FBXO31: variants seen among roughly 807,000 people sequenced by gnomAD.
The protein encoded by FBXO31 is F-box only protein 31.
Under a neutral mutation model 54.4 loss-of-function variants are expected in FBXO31, and 24 were observed. The ratio of observed to expected loss-of-function variants is 0.44; its 90% confidence interval spans 0.32 to 0.62. FBXO31 has a LOEUF of 0.62. Ranked by LOEUF, FBXO31 falls within the 20% of genes least tolerant of loss-of-function variation. FBXO31 has a pLI of 0.05. For missense variants in FBXO31, 665 were observed against 787.1 expected (o/e 0.84, Z 1.86); for synonymous variants, 388 against 335.6 (o/e 1.16, Z -1.71).
intron 1 of FBXO31, among the ~76,000 whole-genome samples, chr16:87,373,498 T>A (rs2150694530): frequency 6.6e-6 from 1 of 151,674 alleles, no homozygotes; most frequent in African/African-American, 2.4e-5. Context: ...CATACATACC[T>A]GAATATATAT....
chr16:87,365,010 A>AAAATAT (rs1233086176), intron 1 of FBXO31, among the ~76,000 whole-genome samples: 2 of 47,684 alleles, frequency 4.2e-5, no homozygotes, highest in African/African-American at 2.0e-4. Context: ...CCGTCTCTTA[A>AAAATAT]ATATATATAT....
At chr16:87,350,857 G>A (rs1039012930) in intron 2 of FBXO31, among the ~76,000 whole-genome samples, 7 of 152,190 alleles carry the variant, frequency 4.6e-5, no homozygotes, top group African/African-American at 1.7e-4. Context: ...GTTCCCTGTT[G>A]TGCTGAAAAG....
chr16:87,331,179 T>G lies in FBXO31; in HGVS notation c.*109A>C. On this transcript the variant is annotated 3_prime_UTR_variant, in exon 9 of 9. Coordinates refer to ENST00000311635, the MANE Select transcript of FBXO31 (RefSeq NM_024735.5). ...CTGGACTGGGCCCCCCGACGAGGTGTGCGTTCTGGTCAAAAGGCCGGATTT... is the reference window on the plus strand; with the variant it reads ...CTGGACTGGGCCCCCCGACGAGGTGGGCGTTCTGGTCAAAAGGCCGGATTT... The G allele has an allele frequency of 9.3e-7, 1 of 1,078,340 alleles. No individual in the cohort carries two copies. The highest frequency in any genetic ancestry group is 2.6e-5 in the East Asian group (1 of 39,112). 66.8% of individuals were successfully genotyped at this position (1,078,340 alleles called of 1,614,324 possible).
rs1189433171 is a variant in FBXO31 at position 87,342,890 on chromosome 16, C to T, written c.719G>A (p.Gly240Asp). The change falls in exon 5 of 9, where the codon GGC becomes GAC. Residue 240 changes from glycine to aspartate, a missense_variant. Physicochemically the swap from Gly to Asp is moderately conservative, Grantham distance 94. Around this residue, in one of 4 missense-constraint regions of FBXO31, gnomAD observed 234 missense variants for 346.8 expected, o/e 0.67. Coordinates refer to ENST00000311635, the MANE Select transcript of FBXO31 (RefSeq NM_024735.5). ...TGGTGGGCTCACCTCCTGCCTCCCG[C>T]CGGACATCCTGTGGTGGTCCGTCTG... ...CNQTDHHRMS[G>D]GRQEEFRTWL... 6.2e-7 allele frequency: 1 copy of T among 1,602,648 alleles called. No individual in the cohort carries two copies.
chr16:87,360,325 C>T lies in FBXO31; in HGVS notation c.382G>A (p.Gly128Ser). 1 of 1,614,228 alleles carries T rather than the reference C, an allele frequency of 6.2e-7. No individual in the cohort carries two copies. Among genetic ancestry groups the T allele is most frequent in the Non-Finnish European group, 8.5e-7 (1 of 1,180,036 alleles). ...GCATAGACGTCCCGACAAGACACGC[C>T]TGTGATCTCCAGCTTCCGCAAGTTT... ...CENLRKLEIT[G>S]VSCRDVYAKL... The change falls in exon 2 of 9, where the codon GGC becomes AGC. Residue 128 changes from glycine to serine, a missense_variant. Gly to Ser is a moderately conservative substitution (Grantham distance 56). Around this residue, in one of 4 missense-constraint regions of FBXO31, gnomAD observed 234 missense variants for 346.8 expected, o/e 0.67. Coordinates refer to ENST00000311635, the MANE Select transcript of FBXO31 (RefSeq NM_024735.5).
intron 1 of FBXO31, among the ~76,000 whole-genome samples, chr16:87,363,996 C>G (rs547902893): frequency 2.6e-4 from 40 of 152,306 alleles, no homozygotes; most frequent in Non-Finnish European, 4.7e-4. Context: ...GACGCTGATG[C>G]AGAGCAAGGA....
intron 1 of FBXO31, among the ~76,000 whole-genome samples, chr16:87,380,312 AAAAGAC>A (rs1453638218): frequency 6.6e-6 from 1 of 151,866 alleles, no homozygotes; most frequent in Non-Finnish European, 1.5e-5. Flanking sequence ...AAAAAAAAAA[AAAAGAC>A]AAAGGAACCA....
intron 5 of FBXO31, among the ~76,000 whole-genome samples, chr16:87,342,650 C>T (rs1410529032): frequency 6.6e-6 from 1 of 152,202 alleles, no homozygotes; most frequent in African/African-American, 2.4e-5. Flanking sequence ...CTGTGTGGTT[C>T]GTTCGTTCTG....
chr16:87,371,252 G>T (rs976482843), intron 1 of FBXO31, among the ~76,000 whole-genome samples: 2 of 152,234 alleles, frequency 1.3e-5, no homozygotes, highest in Non-Finnish European at 2.9e-5. Context: ...TGCAATGACA[G>T]TAGCCATGTG....
chr16:87,382,576 C>G (rs1161227820), intron 1 of FBXO31, among the ~76,000 whole-genome samples: 1 of 152,198 alleles, frequency 6.6e-6, no homozygotes, highest in Non-Finnish European at 1.5e-5. Context: ...ATCCGTCTCT[C>G]TACGCCCCCA....
At chr16:87,381,720 C>T (rs1907086625) in intron 1 of FBXO31, among the ~76,000 whole-genome samples, 1 of 152,098 alleles carries the variant, frequency 6.6e-6, no homozygotes, top group African/African-American at 2.4e-5. Context: ...ATCCACAATC[C>T]CACTTGAGGA....
In FBXO31 at chr16:87,345,912, A is replaced by G. The variant is rs533426496; in HGVS notation, c.489+1262T>C. 1.3e-5 allele frequency among the ~76,000 whole-genome samples: 2 copies of G among 152,354 alleles called. No homozygotes were observed. Among genetic ancestry groups the G allele is most frequent in the South Asian group, 2.1e-4 (1 of 4,824 alleles). ...GCCAGGACTACCGCCGCCAAACGCC[A>G]AAGATGGCAACCAGAGAACACAGCC... is the stretch of plus-strand genomic sequence containing the variant. On this transcript the variant is annotated intron_variant, in intron 3 of 8. Coordinates refer to ENST00000311635, the MANE Select transcript of FBXO31 (RefSeq NM_024735.5). The surrounding 1 kb of genome is among the most constrained non-coding windows in gnomAD (Gnocchi z 4.9).
chr16:87,353,126 G>A (rs925145142), intron 2 of FBXO31, among the ~76,000 whole-genome samples: 4 of 152,182 alleles, frequency 2.6e-5, no homozygotes, highest in African/African-American at 7.2e-5. Context: ...GAGGCTGCAG[G>A]GGTCCACTCC....
chr16:87,343,772 G>T lies in FBXO31; in HGVS notation c.490-7C>A. The T allele has an allele frequency of 6.2e-7, 1 of 1,613,144 alleles. No homozygotes were observed. Among genetic ancestry groups the T allele is most frequent in the Non-Finnish European group, 8.5e-7 (1 of 1,179,130 alleles). On this transcript the variant is annotated splice_region_variant and splice_polypyrimidine_tract_variant and intron_variant, in intron 3 of 8. Transcript: ENST00000311635. Reference sequence around the variant, plus strand: ...TGATGAACAGGCCGTCCACCTACAGGAGGAGATGGGCAAAGGTCCATGAGT... The same window carrying T: ...TGATGAACAGGCCGTCCACCTACAGTAGGAGATGGGCAAAGGTCCATGAGT...
intron 2 of FBXO31, among the ~76,000 whole-genome samples, chr16:87,350,226 A>G (rs576526111): frequency 2.3e-3 from 343 of 152,296 alleles, no homozygotes; most frequent in African/African-American, 7.8e-3. Flanking sequence ...CAAGAAAGCC[A>G]GGACGGCAGC....
chr16:87,354,768 G>A (rs1041377977), intron 2 of FBXO31, among the ~76,000 whole-genome samples: 1 of 152,122 alleles, frequency 6.6e-6, no homozygotes, highest in South Asian at 2.1e-4. Context: ...AGGAGTTTGA[G>A]ACAAGCCTGG....
rs772626753 is a variant in FBXO31, at chr16:87,350,230, C to T, written c.413-2980G>A. The stretch of plus-strand genomic sequence containing the variant: ...AGCAGGGAGGGCAAGAAAGCCAGGA[C>T]GGCAGCAAGTAGGTCGCCACCTGGA... On this transcript the variant is annotated intron_variant, in intron 2 of 8. Coordinates refer to ENST00000311635, the MANE Select transcript of FBXO31 (RefSeq NM_024735.5). Among the ~76,000 whole-genome samples the T allele has an allele frequency of 4.6e-5, 7 of 152,190 alleles. No individual in the cohort carries two copies. In the Middle Eastern group the frequency reaches 0.01, roughly 222 times the overall value.
intron 2 of FBXO31, among the ~76,000 whole-genome samples, chr16:87,355,838 C>T (rs1905868017): frequency 6.6e-6 from 1 of 152,204 alleles, no homozygotes; most frequent in African/African-American, 2.4e-5. Context: ...CCCCTGCCCC[C>T]AGTGCAACTC....
chr16:87,343,328 C>G (rs1407727299), intron 4 of FBXO31, among the ~76,000 whole-genome samples: 1 of 152,164 alleles, frequency 6.6e-6, no homozygotes, highest in African/African-American at 2.4e-5. Context: ...TTCTTGCAAA[C>G]AGGAAAAAAA....
Sources: allele counts gnomAD v4.1 joint callset (sites outside exome capture counted in the v4.1 genomes callset), GRCh38; gene constraint gnomAD v4.1.1; regional missense constraint gnomAD v4.1.1; non-coding constraint Gnocchi (gnomAD v3.1); transcripts MANE v1.5; gene names NCBI Gene and HGNC (gene_info 2026-07-23, HGNC 2026-07-21).